The following TPM1 variants were observed in gnomAD, a reference collection of about 807,000 sequenced individuals.
The protein encoded by TPM1 is tropomyosin alpha-1 chain.
In TPM1, 24 loss-of-function variants were observed where a neutral mutation model predicts 42.9. That is an observed-to-expected ratio of 0.56 (90% CI 0.41 to 0.79). The LOEUF is 0.79. Ranked by LOEUF, TPM1 falls within the 30% of genes least tolerant of loss-of-function variation. The pLI is 0.00. For missense variants in TPM1, 158 were observed against 351.8 expected (o/e 0.45, Z 4.41); for synonymous variants, 136 against 130.1 (o/e 1.05, Z -0.31).
chr15:63,063,900 C>T (rs1009602654), intron 8 of TPM1, 164 bp from the exon 9 acceptor site: 36 of 866,020 alleles, frequency 4.2e-5, no homozygotes, highest in Admixed American at 2.4e-4. Flanking sequence ...TAAAACAAAA[C>T]GCACGCCTCC....
rs1361350865 is a variant in TPM1 at position 63,044,519 on chromosome 15, CTT to C, written c.240+369_240+370del. 5.5e-5 allele frequency: 28 copies of C among 512,762 alleles called. No homozygotes were observed. In the South Asian group the frequency reaches 7.3e-4, roughly 13 times the overall value. 31.8% of individuals were successfully genotyped at this position (512,762 alleles called of 1,614,324 possible). On this transcript the variant is annotated intron_variant, in intron 2 of 9. Coordinates refer to ENST00000403994, the MANE Select transcript of TPM1 (RefSeq NM_001018005.2). ...TGTAGAGAATGCCAGGTTTTCTTCACTTTCTTTCCTTTTGCCGTTTCCAGTGG... is the reference window on the plus strand; with the variant it reads ...TGTAGAGAATGCCAGGTTTTCTTCACTCTTTCCTTTTGCCGTTTCCAGTGG...
At chr15:63,067,293 G>C (rs1332650409), downstream of TPM1, among the ~76,000 whole-genome samples, 1 of 152,180 alleles carries the variant, frequency 6.6e-6, no homozygotes, top group Non-Finnish European at 1.5e-5. Context: ...AAGTATTTTA[G>C]TCATAGTATG....
chr15:63,062,994 G>T, intron 8 of TPM1: 1 of 1,369,072 alleles, frequency 7.3e-7, no homozygotes, highest in Non-Finnish European at 9.4e-7. Flanking sequence ...ATTAAATTGG[G>T]AATGATGTGG....
At chr15:63,057,158 C>T in intron 3 of TPM1, 40 bp downstream of exon 3, 1 of 1,612,862 alleles carries the variant, frequency 6.2e-7, no homozygotes, top group Non-Finnish European at 8.5e-7. Flanking sequence ...AGCTGCCTTT[C>T]CTGGTGGAAT....
At chr15:63,064,219 G>T in intron 9 of TPM1, 77 bp downstream of exon 9, 1 of 1,566,100 alleles carries the variant, frequency 6.4e-7, no homozygotes. Flanking sequence ...TGCCTTCCTT[G>T]CTCCCTAATC....
intron 2 of TPM1, chr15:63,049,045 T>G (rs2033246118): frequency 9.1e-6 from 3 of 328,028 alleles, no homozygotes; most frequent in Middle Eastern, 4.2e-4. Context: ...AGGTGCACTT[T>G]GCGCTGCTGG....
intron 2 of TPM1, chr15:63,045,736 C>T (rs1229130168): frequency 6.6e-6 from 1 of 151,904 alleles, no homozygotes; most frequent in Non-Finnish European, 1.5e-5. Flanking sequence ...ATTGAAAAGT[C>T]TTGTTGAAGG....
chr15:63,052,015 G>A (rs2033978929), intron 2 of TPM1, among the ~76,000 whole-genome samples: 1 of 151,880 alleles, frequency 6.6e-6, no homozygotes, highest in South Asian at 2.1e-4. Flanking sequence ...GCCCTTAGAG[G>A]AGGGTCATAT....
At chr15:63,067,775 C>T (rs181444877), downstream of TPM1, among the ~76,000 whole-genome samples, 1 of 152,356 alleles carries the variant, frequency 6.6e-6, no homozygotes, top group East Asian at 1.9e-4. Flanking sequence ...ATAGCTACAG[C>T]TGCTCTGGTG....
In TPM1 at chr15:63,042,868, C is replaced by T. The variant is rs1439080260; in HGVS notation, c.39C>T (p.Leu13=). ...AIKKKMQMLK[L]DKENALDRAE... Reference sequence around the variant, plus strand: ...AGAAGAAGATGCAGATGCTGAAGCTCGACAAGGAGAACGCCTTGGATCGAG... The same window carrying T: ...AGAAGAAGATGCAGATGCTGAAGCTTGACAAGGAGAACGCCTTGGATCGAG... The change falls in exon 1 of 10, where the codon CTC becomes CTT. Residue 13 remains leucine (L), a synonymous_variant. Coordinates refer to ENST00000403994, the MANE Select transcript of TPM1 (RefSeq NM_001018005.2). 1 of 1,613,364 alleles carries T rather than the reference C, an allele frequency of 6.2e-7. No homozygotes were observed. The highest frequency in any genetic ancestry group is 8.5e-7 in the Non-Finnish European group (1 of 1,179,502).
intron 3 of TPM1, among the ~76,000 whole-genome samples, chr15:63,058,657 C>G (rs1198603560): frequency 1.3e-5 from 2 of 151,960 alleles, no homozygotes; most frequent in Non-Finnish European, 2.9e-5. Context: ...TGCAGTGAGC[C>G]AAGATCACAC....
chr15:63,048,471 G>C (rs1277142995), intron 2 of TPM1: 1 of 1,395,206 alleles, frequency 7.2e-7, no homozygotes, highest in Non-Finnish European at 9.2e-7. Flanking sequence ...GCCTGGGCGG[G>C]GCGGACCGGC....
intron 2 of TPM1, chr15:63,048,454 C>G (rs906483628): frequency 5.4e-5 from 74 of 1,360,330 alleles, no homozygotes; most frequent in Non-Finnish European, 6.7e-5. Flanking sequence ...CGCCATCGCA[C>G]AGAGAGGCCT....
chr15:63,059,690 TG>T lies in TPM1; in HGVS notation c.492+14del. The T allele has an allele frequency of 1.3e-6, 2 of 1,594,680 alleles. No individual in the cohort carries two copies. Among genetic ancestry groups the T allele is most frequent in the South Asian group, 1.1e-5 (1 of 90,456 alleles). Reference sequence around the variant, plus strand: ...CCGCAAATATGAAGAGGTCAGATCCTGGGGCCCAAAGCCTTGTGGACACCCA... The same window carrying T: ...CCGCAAATATGAAGAGGTCAGATCCTGGGCCCAAAGCCTTGTGGACACCCA... On this transcript the variant is annotated intron_variant, in intron 4 of 9. Coordinates refer to ENST00000403994, the MANE Select transcript of TPM1 (RefSeq NM_001018005.2).
At chr15:63,044,761 G>A (rs373438836) in intron 2 of TPM1, 4 of 168,674 alleles carry the variant, frequency 2.4e-5, no homozygotes, top group East Asian at 1.5e-4. Context: ...TCTGCAGTCT[G>A]AAGGCACTAG....
intron 3 of TPM1, among the ~76,000 whole-genome samples, chr15:63,059,239 A>G (rs1312390234): frequency 6.6e-6 from 1 of 152,214 alleles, no homozygotes; most frequent in Admixed American, 6.5e-5. Flanking sequence ...ATAGTAAAGC[A>G]TATTGGCTTT....
chr15:63,051,176 C>T (rs990955173), intron 2 of TPM1, among the ~76,000 whole-genome samples: 1 of 152,168 alleles, frequency 6.6e-6, no homozygotes, highest in African/African-American at 2.4e-5. Flanking sequence ...ATCCAGCAAA[C>T]AAGGAGACAG....
intron 2 of TPM1, among the ~76,000 whole-genome samples, chr15:63,050,232 T>A (rs2033573126): frequency 6.6e-6 from 1 of 152,248 alleles, no homozygotes; most frequent in Non-Finnish European, 1.5e-5. Context: ...GCAAGAGGTC[T>A]TAAAGATGGC....
rs1166679934 is a variant in TPM1, at chr15:63,044,009, C to G, written c.115-18C>G. ...GCTGCACCCCCCTCCCTCCCTGTAC[C>G]CCCTGGCCAACTCCCAGCTGGAAGA... On this transcript the variant is annotated intron_variant, in intron 1 of 9. Coordinates refer to ENST00000403994, the MANE Select transcript of TPM1 (RefSeq NM_001018005.2). 6.2e-7 allele frequency: 1 copy of G among 1,612,600 alleles called. No individual in the cohort carries two copies. The highest frequency in any genetic ancestry group is 8.5e-7 in the Non-Finnish European group (1 of 1,179,366).
Sources: gnomAD v4.1 joint callset for allele counts (sites outside exome capture counted in the v4.1 genomes callset) on GRCh38, gnomAD v4.1.1 for gene constraint, MANE v1.5 for transcripts, NCBI Gene and HGNC (gene_info 2026-07-23, HGNC 2026-07-21) for gene names.